PDGFA: variants seen among roughly 807,000 people sequenced by gnomAD.
PDGFA encodes platelet derived growth factor subunit A.
PDGFA carries 9 observed loss-of-function variants against 25.6 expected under a neutral mutation model. The ratio of observed to expected loss-of-function variants is 0.35; its 90% CI spans 0.21 to 0.61. The LOEUF (loss-of-function observed/expected upper bound fraction) is 0.61, where lower values mean the gene tolerates loss of function less well. Ranked by LOEUF, PDGFA falls within the 20% of genes least tolerant of loss-of-function variation. The pLI is 0.75. For synonymous variants in PDGFA, 133 were observed against 111.8 expected (o/e 1.19, Z -1.20); for missense variants, 242 against 272.8 (o/e 0.89, Z 0.79).
At chr7:516,047 C>CG (rs1324188998) in intron 2 of PDGFA, among the ~76,000 whole-genome samples, 1 of 68,174 alleles carries the variant, frequency 1.5e-5, no homozygotes, top group Non-Finnish European at 3.2e-5. Flanking sequence ...GCAGCCCCCC[C>CG]CCCCCACTTT....
chr7:502,054 G>T (rs1354803801), intron 4 of PDGFA, among the ~76,000 whole-genome samples: 1 of 152,106 alleles, frequency 6.6e-6, no homozygotes, highest in Non-Finnish European at 1.5e-5. Context: ...GTAAGACCCT[G>T]CCTCTAAAAA....
At chr7:512,504 G>T (rs746617738) in intron 2 of PDGFA, 49 bp from the exon 3 acceptor site, 3 of 1,611,780 alleles carry the variant, frequency 1.9e-6, no homozygotes, top group Admixed American at 3.3e-5. Context: ...CGTGCGCTGT[G>T]CCCTGGGCCT....
chr7:518,923 C>T lies in PDGFA; in HGVS notation c.63+16G>A, dbSNP rs762750901. ...GAGGAGCCGGCGCAGGGACGGGGCG[C>T]GGGGGCGGCACCAACCTCGGCCAGA... On this transcript the variant is annotated intron_variant, in intron 1 of 5. Coordinates refer to ENST00000402802, the Ensembl canonical transcript of PDGFA. 26 of 1,504,882 alleles carry T rather than the reference C, an allele frequency of 1.7e-5. No homozygotes were observed. In the African/African-American group the frequency reaches 3.4e-4, roughly 20 times the overall value. The allele number at this position is 1,504,882 out of a possible 1,614,324, so 93.2% of individuals were successfully genotyped here. A position where few individuals can be genotyped will look rare whatever the true frequency, so the allele number is the denominator to read the frequency against.
intron 2 of PDGFA, among the ~76,000 whole-genome samples, chr7:514,259 T>C (rs1436667443): frequency 6.6e-6 from 1 of 152,200 alleles, no homozygotes; most frequent in African/African-American, 2.4e-5. Context: ...AGGAGACTCA[T>C]GTGGTCTGCG....
chr7:512,484 G>GC, intron 2 of PDGFA, 29 bp from the exon 3 acceptor site: 2 of 1,613,122 alleles, frequency 1.2e-6, no homozygotes, highest in Non-Finnish European at 1.7e-6. Flanking sequence ...CACCGTGAAT[G>GC]CCCCAGGCCC....
intron 4 of PDGFA, among the ~76,000 whole-genome samples, chr7:506,884 C>T (rs1038449208): frequency 1.3e-5 from 2 of 152,184 alleles, no homozygotes; most frequent in Non-Finnish European, 2.9e-5. Flanking sequence ...AACAAGAGAC[C>T]TCTGAATGTT....
At chr7:502,812 A>ACG (rs1782407455) in intron 4 of PDGFA, among the ~76,000 whole-genome samples, 2 of 91,140 alleles carry the variant, frequency 2.2e-5, no homozygotes, top group African/African-American at 7.2e-5. Context: ...ACACACACAT[A>ACG]ATGCACATAT....
chr7:510,853 T>C, exon 4 of PDGFA: 2 of 1,608,952 alleles, frequency 1.2e-6, no homozygotes, highest in Non-Finnish European at 1.7e-6. Flanking sequence ...CACTTGACAC[T>C]GCTCGTGTTG....
At chr7:519,307 G>C (rs540833759) in exon 1 of PDGFA, 100 of 336,974 alleles carry the variant, frequency 3.0e-4, no homozygotes, top group South Asian at 2.5e-3. Context: ...CTTCTTCCTC[G>C]GTGCGTTCCC....
At chr7:519,007 C>A in exon 1 of PDGFA, 1 of 1,530,068 alleles carries the variant, frequency 6.5e-7, no homozygotes, top group South Asian at 1.2e-5. Flanking sequence ...CTCATCGCGT[C>A]CCGAGGCGCT....
In PDGFA at chr7:517,734, C is replaced by T. The variant is rs1221867402; in HGVS notation, c.64-244G>A. ...CCGCCCTTTGCAAAATCAAAGCCCC[C>T]CCCCCTTTATATTTTCAGACAAAAG... On this transcript the variant is annotated intron_variant, in intron 1 of 5. Transcript: ENST00000402802. This position sits in a 1 kb window ranked among gnomAD's most constrained non-coding sequence, Gnocchi z 7.4. Among the ~76,000 whole-genome samples the T allele has an allele frequency of 6.6e-6, 1 of 151,644 alleles. No individual in the cohort carries two copies. Among genetic ancestry groups the T allele is most frequent in the East Asian group, 1.9e-4 (1 of 5,160 alleles).
exon 6 of PDGFA, chr7:498,053 T>C (rs1476457743): frequency 7.4e-6 from 1 of 134,880 alleles, no homozygotes; most frequent in Non-Finnish European, 1.5e-5. Flanking sequence ...AGCGAGGAGG[T>C]GTGGTTTCTA....
chr7:516,466 C>T (rs1783105463), intron 2 of PDGFA, among the ~76,000 whole-genome samples: 1 of 152,162 alleles, frequency 6.6e-6, no homozygotes, highest in African/African-American at 2.4e-5. Flanking sequence ...ATTCTGCTGC[C>T]TTTAGTTACT....
At chr7:497,963 A>AAC (rs1782154719) in exon 6 of PDGFA, 1 of 132,790 alleles carries the variant, frequency 7.5e-6, no homozygotes, top group African/African-American at 2.9e-5. Context: ...AAAAAACAAA[A>AAC]AAAAAAAAAA....
At chr7:513,855 A>G (rs531872544) in intron 2 of PDGFA, among the ~76,000 whole-genome samples, 10 of 152,242 alleles carry the variant, frequency 6.6e-5, no homozygotes. Flanking sequence ...CCGGAGCCCA[A>G]CTTTTTACCG....
Position 500,563 on chromosome 7 carries a change from G to A in PDGFA, c.580+553C>T, listed in dbSNP as rs1328572086. ...ACGGCCGTCGGGGTGAAGAACTGAA[G>A]CAACAAATACCTACGGCATTTGTTT... is the stretch of plus-strand genomic sequence containing the variant. On this transcript the variant is annotated intron_variant, in intron 5 of 5. Coordinates refer to ENST00000402802, the Ensembl canonical transcript of PDGFA. The surrounding 1 kb of genome is among the most constrained non-coding windows in gnomAD (Gnocchi z 5.0). 6.2e-7 allele frequency: 1 copy of A among 1,611,934 alleles called. No homozygotes were observed. Among genetic ancestry groups the A allele is most frequent in the Non-Finnish European group, 8.5e-7 (1 of 1,179,628 alleles).
At chr7:511,303 GAACTTAGTCCAGGTGGGGCCAGA>G (rs1782828314) in intron 3 of PDGFA, among the ~76,000 whole-genome samples, 1 of 94,372 alleles carries the variant, frequency 1.1e-5, no homozygotes, top group African/African-American at 6.2e-5. Flanking sequence ...GGGGAGAGGG[GAACTTAGTCCAGGTGGGGCCAGA>G]GACTGGGGGT....
At chr7:509,463 G>C (rs536605118) in intron 4 of PDGFA, among the ~76,000 whole-genome samples, 1 of 151,978 alleles carries the variant, frequency 6.6e-6, no homozygotes, top group African/African-American at 2.4e-5. Context: ...GCTAATTTTT[G>C]TATTTCTTGT....
chr7:505,747 T>C (rs918490509), intron 4 of PDGFA, among the ~76,000 whole-genome samples: 2 of 152,152 alleles, frequency 1.3e-5, no homozygotes, highest in South Asian at 4.1e-4. Flanking sequence ...ATCCCTAGCC[T>C]GCACTCCTTC....
Sources: allele counts gnomAD v4.1 joint callset (sites outside exome capture counted in the v4.1 genomes callset), GRCh38; gene constraint gnomAD v4.1.1; non-coding constraint Gnocchi (gnomAD v3.1); transcripts MANE v1.5; gene names NCBI Gene and HGNC (gene_info 2026-07-23, HGNC 2026-07-21).